GRIP1: variants seen among roughly 807,000 people sequenced by gnomAD.
GRIP1 encodes the protein glutamate receptor interacting protein 1, also known as glutamate receptor-interacting protein 1.
In GRIP1, 45 loss-of-function variants were observed where a neutral mutation model predicts 129.9. The ratio of observed to expected loss-of-function variants is 0.35; its 90% CI spans 0.27 to 0.44. The LOEUF (loss-of-function observed/expected upper bound fraction) is 0.44. GRIP1 is among the 20% of genes least tolerant of loss of function. The pLI, the probability that GRIP1 is intolerant of heterozygous loss-of-function variation, is 1.00. For missense variants in GRIP1, 1,196 were observed against 1,396.8 expected, an observed-to-expected ratio of 0.86 and a Z score of 2.29; for synonymous variants, 530 against 520.8, an observed-to-expected ratio of 1.02 and a Z score of -0.24.
chr12:67,045,264 G>A (rs956918983), intron 1 of GRIP1, among the ~76,000 whole-genome samples: 2 of 152,148 alleles, frequency 1.3e-5, no homozygotes, highest in South Asian at 2.1e-4. Flanking sequence ...TCAGTGTCAG[G>A]TAAAGAAATA....
chr12:66,605,062 T>TATACATAA (rs2064454542), intron 1 of GRIP1, among the ~76,000 whole-genome samples: 2 of 128,912 alleles, frequency 1.6e-5, no homozygotes, highest in East Asian at 4.1e-4. Flanking sequence ...TATATATATA[T>TATACATAA]ATACATATAT....
intron 23 of GRIP1, among the ~76,000 whole-genome samples, chr12:66,356,697 G>A (rs1478262760): frequency 1.3e-5 from 2 of 151,236 alleles, no homozygotes; most frequent in Non-Finnish European, 2.9e-5. Flanking sequence ...ACACCAGTCC[G>A]CATGTCATTT....
chr12:66,478,636 C>T (rs1169796685), intron 7 of GRIP1, among the ~76,000 whole-genome samples: 1 of 152,034 alleles, frequency 6.6e-6, no homozygotes, highest in Admixed American at 6.6e-5. Context: ...CCCAAATGTC[C>T]AACAATGATA....
intron 1 of GRIP1, among the ~76,000 whole-genome samples, chr12:66,971,100 T>C (rs2042069577): frequency 6.6e-6 from 1 of 152,168 alleles, no homozygotes; most frequent in African/African-American, 2.4e-5. Flanking sequence ...AGTCAACACT[T>C]AGCCTCCAGC....
intron 1 of GRIP1, among the ~76,000 whole-genome samples, chr12:66,647,160 C>T (rs1331645376): frequency 6.6e-6 from 1 of 152,152 alleles, no homozygotes; most frequent in Admixed American, 6.5e-5. Context: ...GACCTGTAAT[C>T]CTCTAAACGT....
intron 2 of GRIP1, among the ~76,000 whole-genome samples, chr12:66,584,781 T>C (rs2063549906): frequency 6.6e-6 from 1 of 152,098 alleles, no homozygotes; most frequent in African/African-American, 2.4e-5. Flanking sequence ...ACTCTGACAG[T>C]GTCCTAGGTA....
chr12:66,461,929 T>C (rs2059148374), intron 9 of GRIP1, among the ~76,000 whole-genome samples: 1 of 152,206 alleles, frequency 6.6e-6, no homozygotes, highest in Non-Finnish European at 1.5e-5. Flanking sequence ...TACAAAGGAA[T>C]GGTGTTTGCT....
intron 13 of GRIP1, among the ~76,000 whole-genome samples, chr12:66,435,763 C>A (rs2058285449): frequency 1.3e-5 from 2 of 152,136 alleles, no homozygotes; most frequent in South Asian, 4.1e-4. Context: ...AATGACACTG[C>A]AGGAGATATT....
At chr12:66,982,737 C>T (rs1352076481) in intron 1 of GRIP1, among the ~76,000 whole-genome samples, 1 of 152,150 alleles carries the variant, frequency 6.6e-6, no homozygotes, top group South Asian at 2.1e-4. Flanking sequence ...CCAACTGATG[C>T]CCCGATTGTA....
At chr12:66,510,364 C>T (rs1159993338) in intron 7 of GRIP1, among the ~76,000 whole-genome samples, 1 of 152,152 alleles carries the variant, frequency 6.6e-6, no homozygotes, top group African/African-American at 2.4e-5. Flanking sequence ...CCTCTCTCTT[C>T]TCTGTCTAAG....
chr12:66,609,921 T>C (rs535768148), intron 1 of GRIP1, among the ~76,000 whole-genome samples: 1 of 152,258 alleles, frequency 6.6e-6, no homozygotes, highest in South Asian at 2.1e-4. Flanking sequence ...TTGAATTCTA[T>C]TAGTAATAAT....
At chr12:67,037,316 A>C (rs1342607330) in intron 1 of GRIP1, 2 of 144,794 alleles carry the variant, frequency 1.4e-5, no homozygotes, top group African/African-American at 2.5e-5. Flanking sequence ...CAACAGAGTG[A>C]GACTCTGCCT....
intron 4 of GRIP1, among the ~76,000 whole-genome samples, chr12:66,537,880 G>C (rs2061653426): frequency 6.6e-6 from 1 of 152,176 alleles, no homozygotes; most frequent in Non-Finnish European, 1.5e-5. Flanking sequence ...AAATTCAGAA[G>C]CTGATTTTGC....
chr12:66,647,072 A>G (rs970414057), intron 1 of GRIP1, among the ~76,000 whole-genome samples: 1 of 152,110 alleles, frequency 6.6e-6, no homozygotes, highest in Middle Eastern at 3.2e-3. Flanking sequence ...GCCAGGCTGA[A>G]CTCCAGCTGT....
rs186806336 is a variant in GRIP1 at position 66,792,171 on chromosome 12, A to G, written c.-420+11882T>C. On this transcript the variant is annotated intron_variant, in intron 1 of 4. Coordinates refer to the GRIP1 transcript ENST00000538373. ...CTGATTTGGAGCTTTTAGAAATGAT[A>G]CACTTTACTACGACTTTTCTCTACA... 1.5e-3 allele frequency among the ~76,000 whole-genome samples: 236 copies of G among 152,338 alleles called. 1 individual carries two copies. The highest frequency in any genetic ancestry group is 5.1e-3 in the African/African-American group (212 of 41,580).
At chr12:66,989,051 C>A (rs2042356224) in intron 1 of GRIP1, among the ~76,000 whole-genome samples, 1 of 152,150 alleles carries the variant, frequency 6.6e-6, no homozygotes, top group African/African-American at 2.4e-5. Context: ...CAACAGTCCC[C>A]TAAGAAAGAT....
chr12:66,760,396 A>G (rs539763701), intron 1 of GRIP1, among the ~76,000 whole-genome samples: 1 of 152,190 alleles, frequency 6.6e-6, no homozygotes, highest in Non-Finnish European at 1.5e-5. Context: ...GGAAAATAAA[A>G]AGAGGTTTAA....
At chr12:66,968,754 A>G (rs1462499044) in intron 1 of GRIP1, among the ~76,000 whole-genome samples, 1 of 150,760 alleles carries the variant, frequency 6.6e-6, no homozygotes, top group South Asian at 2.1e-4. Context: ...GTTTTCTTTT[A>G]GCTCAATTAA....
intron 11 of GRIP1, among the ~76,000 whole-genome samples, chr12:66,448,945 T>C (rs956424240): frequency 1.3e-5 from 2 of 152,308 alleles, no homozygotes; most frequent in South Asian, 4.1e-4. Context: ...TCCTTTCTCC[T>C]GCCCATCCAC....
Sources: allele counts gnomAD v4.1 joint callset (sites outside exome capture counted in the v4.1 genomes callset), GRCh38; gene constraint gnomAD v4.1.1; transcripts MANE v1.5; gene names NCBI Gene and HGNC (gene_info 2026-07-23, HGNC 2026-07-21).